The following NBEA variants were observed in gnomAD, a reference collection of about 807,000 sequenced individuals.
NBEA encodes lysosomal-trafficking regulator 2.
In NBEA, 44 loss-of-function variants were observed where a neutral mutation model predicts 343.4. The observed-to-expected ratio is 0.13, with a 90% CI of 0.10 to 0.16. NBEA has a LOEUF of 0.16. NBEA is among the 10% of genes least tolerant of loss of function. NBEA has a pLI of 1.00. For missense variants in NBEA, 2,555 were observed against 3,631.3 expected (o/e 0.70, Z 7.62); for synonymous variants, 1,175 against 1,238.7 (o/e 0.95, Z 1.08).
At chr13:35,022,985 A>AATAT (rs371687930) in intron 1 of NBEA, among the ~76,000 whole-genome samples, 4 of 152,278 alleles carry the variant, frequency 2.6e-5, no homozygotes, top group Non-Finnish European at 4.4e-5. Flanking sequence ...AGAGCTTTAT[A>AATAT]ATATAGATTG....
intron 33 of NBEA, among the ~76,000 whole-genome samples, chr13:35,215,236 ACT>A (rs767357245): frequency 1.3e-5 from 2 of 151,366 alleles, no homozygotes; most frequent in Non-Finnish European, 3.0e-5. Flanking sequence ...ATTTGAGGAG[ACT>A]CTTCATCATA....
chr13:35,416,531 A>G (rs939947481), intron 38 of NBEA, among the ~76,000 whole-genome samples: 1 of 152,100 alleles, frequency 6.6e-6, no homozygotes, highest in African/African-American at 2.4e-5. Context: ...TATATGATGG[A>G]TTACATTTAT....
At chr13:35,141,487 G>A (rs1047401219) in intron 17 of NBEA, among the ~76,000 whole-genome samples, 3 of 152,038 alleles carry the variant, frequency 2.0e-5, no homozygotes, top group Admixed American at 6.6e-5. Context: ...GGCTTGTCTC[G>A]AACTTCTGAC....
At chr13:35,658,135 A>C (rs1416789195) in intron 55 of NBEA, among the ~76,000 whole-genome samples, 1 of 152,168 alleles carries the variant, frequency 6.6e-6, no homozygotes, top group Non-Finnish European at 1.5e-5. Context: ...TTAATTCTTA[A>C]GAACAAAAAT....
intron 35 of NBEA, among the ~76,000 whole-genome samples, chr13:35,297,292 A>T (rs2036200121): frequency 6.6e-6 from 1 of 151,978 alleles, no homozygotes. Context: ...TCTCTCCATC[A>T]TTCCCTTAGC....
At chr13:35,256,834 A>G (rs1052401640) in intron 34 of NBEA, among the ~76,000 whole-genome samples, 4 of 152,200 alleles carry the variant, frequency 2.6e-5, no homozygotes, top group African/African-American at 9.6e-5. Flanking sequence ...GCGGGAGCAA[A>G]CACTTTCAAG....
chr13:35,463,282 A>T (rs926339594), intron 40 of NBEA, among the ~76,000 whole-genome samples: 4 of 152,216 alleles, frequency 2.6e-5, no homozygotes, highest in Non-Finnish European at 4.4e-5. Flanking sequence ...GCTAATGAGA[A>T]AAAAGAAACT....
At chr13:35,301,412 C>T (rs1381031369) in intron 35 of NBEA, among the ~76,000 whole-genome samples, 2 of 152,026 alleles carry the variant, frequency 1.3e-5, no homozygotes, top group Non-Finnish European at 2.9e-5. Context: ...TTGTTCAACT[C>T]CCACTTATGA....
chr13:35,423,713 G>A (rs1201649623), intron 38 of NBEA, among the ~76,000 whole-genome samples: 1 of 152,098 alleles, frequency 6.6e-6, no homozygotes, highest in Non-Finnish European at 1.5e-5. Flanking sequence ...TGATGGGGAT[G>A]GCATTGAATC....
At chr13:35,623,356 T>G (rs2083078479) in intron 48 of NBEA, among the ~76,000 whole-genome samples, 1 of 152,186 alleles carries the variant, frequency 6.6e-6, no homozygotes, top group Non-Finnish European at 1.5e-5. Flanking sequence ...AGTTGTTATA[T>G]TTTAATTATT....
chr13:35,104,363 C>T (rs1173554162), intron 11 of NBEA, among the ~76,000 whole-genome samples: 2 of 151,908 alleles, frequency 1.3e-5, no homozygotes, highest in Non-Finnish European at 2.9e-5. Context: ...TTTCTGCCTC[C>T]TTCTGCTAGA....
intron 17 of NBEA, among the ~76,000 whole-genome samples, chr13:35,125,661 C>A (rs1394645025): frequency 1.3e-5 from 2 of 152,024 alleles, no homozygotes; most frequent in African/African-American, 4.8e-5. Flanking sequence ...AATTAGACTG[C>A]ATCAAAAGAA....
chr13:35,258,539 A>AC (rs2032885059), intron 34 of NBEA, among the ~76,000 whole-genome samples: 1 of 103,736 alleles, frequency 9.6e-6, no homozygotes, highest in South Asian at 3.5e-4. Flanking sequence ...TTTACTGGCC[A>AC]TAAAAAAAAA....
At position 35,466,203 on chromosome 13, in the gene NBEA, T is replaced by C. The variant is rs1166253072; in HGVS notation, c.6449-6197T>C. Among the ~76,000 whole-genome samples the C allele has an allele frequency of 2.6e-5, 4 of 152,288 alleles. No homozygotes were observed. In the East Asian group the frequency reaches 7.7e-4, roughly 29 times the overall value. ...ATAATAATCTAAGGAAACTATGATC[T>C]GTGGGGATAATTAGTTATTGTTAAT... On this transcript the variant is annotated intron_variant, in intron 40 of 58. Transcript: ENST00000379939.
intron 10 of NBEA, among the ~76,000 whole-genome samples, chr13:35,094,882 T>A (rs1257634462): frequency 1.3e-5 from 2 of 151,950 alleles, no homozygotes; most frequent in Non-Finnish European, 2.9e-5. Flanking sequence ...ATCTACTTAA[T>A]CAATTACTTT....
chr13:35,431,488 TC>T (rs1356634845), intron 38 of NBEA, among the ~76,000 whole-genome samples: 1 of 152,190 alleles, frequency 6.6e-6, no homozygotes, highest in Non-Finnish European at 1.5e-5. Context: ...GCTATTTCCA[TC>T]ATTTCTGAAA....
chr13:35,534,723 A>G (rs897672586), intron 41 of NBEA, among the ~76,000 whole-genome samples: 1 of 152,228 alleles, frequency 6.6e-6, no homozygotes, highest in Non-Finnish European at 1.5e-5. Context: ...AGACACAAAT[A>G]GAAAAGCTGG....
intron 25 of NBEA, among the ~76,000 whole-genome samples, chr13:35,169,747 T>C (rs1305804792): frequency 1.3e-5 from 2 of 151,728 alleles, no homozygotes; most frequent in Admixed American, 1.3e-4. Context: ...CATTTTAAAT[T>C]GAAAACAGAT....
At chr13:35,570,948 G>A (rs1444584578) in intron 45 of NBEA, among the ~76,000 whole-genome samples, 5 of 152,162 alleles carry the variant, frequency 3.3e-5, no homozygotes, top group Middle Eastern at 3.4e-3. Context: ...AATCAATACC[G>A]CAAATGAAAA....
Sources: allele counts gnomAD v4.1 joint callset (sites outside exome capture counted in the v4.1 genomes callset), GRCh38; gene constraint gnomAD v4.1.1; transcripts MANE v1.5; gene names NCBI Gene and HGNC (gene_info 2026-07-23, HGNC 2026-07-21).